The following RFX7 variants were observed in gnomAD, a reference collection of about 807,000 sequenced individuals.
RFX7 encodes the protein regulatory factor X7.
In RFX7, 26 loss-of-function variants were observed where a neutral mutation model predicts 111.8. The observed-to-expected ratio is 0.23, with a 90% CI of 0.17 to 0.32. The LOEUF (loss-of-function observed/expected upper bound fraction) is 0.32. RFX7 is among the 10% of genes least tolerant of loss of function. RFX7 has a pLI of 1.00. For missense variants in RFX7, 1,573 were observed against 1,772.9 expected, an observed-to-expected ratio of 0.89 and a Z score of 2.02; for synonymous variants, 624 against 624.4, an observed-to-expected ratio of 1.00 and a Z score of 0.01.
chr15:56,127,761 T>A (rs1395697977), intron 5 of RFX7, among the ~76,000 whole-genome samples: 1 of 151,864 alleles, frequency 6.6e-6, no homozygotes, highest in Non-Finnish European at 1.5e-5. Flanking sequence ...TTAGCCAGGA[T>A]GGTCTCGATC....
chr15:56,232,393 A>G (rs1238274978), intron 2 of RFX7, among the ~76,000 whole-genome samples: 1 of 152,166 alleles, frequency 6.6e-6, no homozygotes, highest in East Asian at 1.9e-4. Context: ...GGTTGCAAAG[A>G]GCAGGGAGGC....
At chr15:56,111,661 C>CAAAAAAAAAAAAAAAAAAAACA (rs371681721) in intron 5 of RFX7, among the ~76,000 whole-genome samples, 179 of 95,034 alleles carry the variant, frequency 1.9e-3, no homozygotes, top group Non-Finnish European at 2.1e-3. Flanking sequence ...ATAAATAAAC[C>CAAAAAAAAAAAAAAAAAAAACA]AAAAAAAAAA....
chr15:56,243,300 G>A lies in RFX7; in HGVS notation c.-2-13C>T. 9.0e-7 allele frequency: 1 copy of A among 1,114,760 alleles called. No individual in the cohort carries two copies. Among genetic ancestry groups the A allele is most frequent in the Middle Eastern group, 4.1e-4 (1 of 2,450 alleles). 69.1% of individuals were successfully genotyped at this position (1,114,760 alleles called of 1,614,324 possible). On this transcript the variant is annotated splice_polypyrimidine_tract_variant and intron_variant, in intron 1 of 9. Coordinates refer to ENST00000559447, the MANE Select transcript of RFX7 (RefSeq NM_022841.7). ...TCCTCTGCCATCGCTGCAGAGGGGTGGGAGGGAGGGAGGGAAAGATGGGGG... is the reference window on the plus strand; with the variant it reads ...TCCTCTGCCATCGCTGCAGAGGGGTAGGAGGGAGGGAGGGAAAGATGGGGG...
intron 5 of RFX7, among the ~76,000 whole-genome samples, chr15:56,138,962 G>A (rs1399223570): frequency 2.0e-5 from 3 of 152,114 alleles, no homozygotes; most frequent in Non-Finnish European, 2.9e-5. Flanking sequence ...CTTCTGGCTT[G>A]TAGGGTTTCT....
chr15:56,239,984 C>CTTTTTTTTTTTTTTTTT (rs5812831), intron 2 of RFX7, among the ~76,000 whole-genome samples: 2 of 120,928 alleles, frequency 1.7e-5, no homozygotes, highest in Non-Finnish European at 1.7e-5. Context: ...TTTGGTATTT[C>CTTTTTTTTTTTTTTTTT]TTTTTTTTTT....
chr15:56,203,713 C>A (rs1256666566), intron 2 of RFX7, among the ~76,000 whole-genome samples: 1 of 152,184 alleles, frequency 6.6e-6, no homozygotes, highest in Non-Finnish European at 1.5e-5. Context: ...CTGCCACACT[C>A]CCACCCACAC....
intron 2 of RFX7, among the ~76,000 whole-genome samples, chr15:56,182,895 T>C (rs1415710329): frequency 6.6e-6 from 1 of 152,098 alleles, no homozygotes; most frequent in African/African-American, 2.4e-5. Context: ...TTTTTTCTAT[T>C]TTATTTTATA....
At chr15:56,113,262 T>C (rs962056551) in intron 5 of RFX7, among the ~76,000 whole-genome samples, 3 of 152,112 alleles carry the variant, frequency 2.0e-5, no homozygotes, top group Non-Finnish European at 4.4e-5. Context: ...AAAATGCCCA[T>C]CAATGATAGA....
chr15:56,141,678 C>CATATATATATAT (rs1567024637), intron 5 of RFX7, among the ~76,000 whole-genome samples: 33 of 52,456 alleles, frequency 6.3e-4, no homozygotes, highest in African/African-American at 1.4e-3. Context: ...TATATATATG[C>CATATATATATAT]ATATATGCTG....
In RFX7 at chr15:56,206,237, G is replaced by C. The variant is rs574920401; in HGVS notation, c.162-26934C>G. Among the ~76,000 whole-genome samples the C allele has an allele frequency of 1.5e-4, 23 of 152,100 alleles. No homozygotes were observed. In the East Asian group the frequency reaches 4.3e-3, roughly 28 times the overall value. ...AAAAAAATGATACACATATACAATA[G>C]AATATTATTCATCAGACATAAAAAA... On this transcript the variant is annotated intron_variant, in intron 2 of 9. Transcript: ENST00000559447.
intron 3 of RFX7, among the ~76,000 whole-genome samples, chr15:56,168,572 C>T (rs1186518578): frequency 6.6e-6 from 1 of 152,178 alleles, no homozygotes; most frequent in East Asian, 1.9e-4. Context: ...CACTGGACAG[C>T]ATGACTAATA....
chr15:56,204,858 G>T (rs1396456769), intron 2 of RFX7, among the ~76,000 whole-genome samples: 1 of 152,112 alleles, frequency 6.6e-6, no homozygotes, highest in Non-Finnish European at 1.5e-5. Flanking sequence ...GTTCAAACTA[G>T]GCGTGCTCAA....
chr15:56,107,479 T>C (rs2041847640), intron 5 of RFX7, among the ~76,000 whole-genome samples: 1 of 151,976 alleles, frequency 6.6e-6, no homozygotes, highest in African/African-American at 2.4e-5. Flanking sequence ...ACAAATTTAA[T>C]TGTACAAGTT....
intron 5 of RFX7, among the ~76,000 whole-genome samples, chr15:56,130,897 T>A (rs1414643376): frequency 2.6e-5 from 4 of 152,034 alleles, no homozygotes; most frequent in Non-Finnish European, 5.9e-5. Context: ...AGTAAAAACC[T>A]AACCAGTGTA....
intron 3 of RFX7, among the ~76,000 whole-genome samples, chr15:56,148,251 C>A (rs1267252586): frequency 7.2e-5 from 11 of 152,122 alleles, no homozygotes; most frequent in African/African-American, 1.9e-4. Context: ...CAAAAAATAT[C>A]CTTGGTTATT....
chr15:56,087,526 C>A lies in RFX7; in HGVS notation c.*5819G>T, dbSNP rs1464276898. The A allele has an allele frequency of 2.2e-6, 1 of 456,550 alleles. No homozygotes were observed. The highest frequency in any genetic ancestry group is 2.0e-5 in the African/African-American group (1 of 50,074). The allele number at this position is 456,550 out of a possible 1,614,324, so 28.3% of individuals were successfully genotyped here. Reference sequence around the variant, plus strand: ...ACAAGAACACTGCAAAGAAGTAGCACCCAAACCTTTTGGTTACATCTCTTT... The same window carrying A: ...ACAAGAACACTGCAAAGAAGTAGCAACCAAACCTTTTGGTTACATCTCTTT... On this transcript the variant is annotated 3_prime_UTR_variant, in exon 10 of 10. Coordinates refer to ENST00000559447, the MANE Select transcript of RFX7 (RefSeq NM_022841.7).
chr15:56,187,856 A>G (rs149215841), intron 2 of RFX7, among the ~76,000 whole-genome samples: 2 of 152,342 alleles, frequency 1.3e-5, no homozygotes, highest in Middle Eastern at 3.4e-3. Flanking sequence ...CTCATCAGAG[A>G]AAAAGAACAG....
chr15:56,096,590 G>T lies in RFX7; in HGVS notation c.1138C>A (p.Pro380Thr), dbSNP rs1189760314. 10 of 1,591,646 alleles carry T rather than the reference G, an allele frequency of 6.3e-6. No individual in the cohort carries two copies. The highest frequency in any genetic ancestry group is 8.6e-6 in the Non-Finnish European group (10 of 1,168,324). ...CCGTCAGAAGAACTCATTGGACTCGGTGAAGTTACCAATTGCCTAGTCCGC... is the reference window on the plus strand; with the variant it reads ...CCGTCAGAAGAACTCATTGGACTCGTTGAAGTTACCAATTGCCTAGTCCGC... ...VQRTRQLVTS[P>T]SPMSSSDGKV... The change falls in exon 10 of 10, where the codon CCG becomes ACG. Residue 380 changes from proline (P) to threonine (T), a missense_variant. Pro to Thr is a conservative substitution (Grantham distance 38). Coordinates refer to ENST00000559447, the MANE Select transcript of RFX7 (RefSeq NM_022841.7).
At chr15:56,216,091 T>C (rs1251599008) in intron 2 of RFX7, among the ~76,000 whole-genome samples, 2 of 152,192 alleles carry the variant, frequency 1.3e-5, no homozygotes, top group Non-Finnish European at 2.9e-5. Flanking sequence ...CTGTTAGAAT[T>C]GCATGATTAG....
Sources: allele counts gnomAD v4.1 joint callset (sites outside exome capture counted in the v4.1 genomes callset), GRCh38; gene constraint gnomAD v4.1.1; transcripts MANE v1.5; gene names NCBI Gene and HGNC (gene_info 2026-07-23, HGNC 2026-07-21).